Variants in TLL1 observed in about 807,000 individuals in gnomAD.
The protein encoded by TLL1 is tolloid-like protein 1.
In TLL1, 49 loss-of-function variants were observed where a neutral mutation model predicts 128.2. The observed-to-expected ratio is 0.38, with a 90% confidence interval of 0.30 to 0.48. The LOEUF (loss-of-function observed/expected upper bound fraction) is 0.48, where lower values mean the gene tolerates loss of function less well. TLL1 is among the 20% of genes least tolerant of loss of function. The probability of loss-of-function intolerance (pLI) is 0.96; values close to 1 mark genes in which losing one functional copy is unlikely to be tolerated. For missense variants in TLL1, 1,123 were observed against 1,242.0 expected (o/e 0.90, Z 1.44); for synonymous variants, 454 against 418.8 (o/e 1.08, Z -1.03).
chr4:166,005,765 A>T (rs1034917346), intron 6 of TLL1, among the ~76,000 whole-genome samples: 3 of 151,892 alleles, frequency 2.0e-5, no homozygotes, highest in Non-Finnish European at 4.4e-5. Flanking sequence ...CGTGGAAAAA[A>T]TTTATAAAAG....
At chr4:166,026,380 A>C (rs1409400795) in intron 9 of TLL1, among the ~76,000 whole-genome samples, 1 of 149,386 alleles carries the variant, frequency 6.7e-6, no homozygotes, top group Non-Finnish European at 1.5e-5. Context: ...GTGACAGAGC[A>C]AGGCTCTGTC....
intron 9 of TLL1, chr4:166,031,054 TGTAAAATGAATGAACAAAGAATTACTC>T: frequency 1.1e-6 from 1 of 878,256 alleles, no homozygotes; most frequent in Non-Finnish European, 1.4e-6. Flanking sequence ...TTAATACCCA[TGTAAAATGAATGAACAAAGAATTACTC>T]ATAAAATGAA....
intron 9 of TLL1, 48 bp from the exon 10 acceptor site, chr4:166,039,291 T>G (rs1235410141): frequency 1.5e-6 from 2 of 1,310,362 alleles, no homozygotes. Context: ...TCACTATATG[T>G]AGATACAATC....
rs1428462027 is a variant in TLL1, at chr4:166,103,127, G to A, written c.*2251G>A. The A allele has an allele frequency of 6.6e-6, 1 of 151,820 alleles. No individual in the cohort carries two copies. Among genetic ancestry groups the A allele is most frequent in the Non-Finnish European group, 1.5e-5 (1 of 67,866 alleles). 9.4% of individuals were successfully genotyped at this position (151,820 alleles called of 1,614,324 possible). On this transcript the variant is annotated 3_prime_UTR_variant, in exon 21 of 21. Coordinates refer to ENST00000061240, the MANE Select transcript of TLL1 (RefSeq NM_012464.5). ...TTCCCAGAGTCACAGTGTAAAGTTAGATGTTGAAACCCAGTTTATCTTATA... is the reference window on the plus strand; with the variant it reads ...TTCCCAGAGTCACAGTGTAAAGTTAAATGTTGAAACCCAGTTTATCTTATA...
chr4:165,885,758 G>A (rs1731140720), intron 1 of TLL1, among the ~76,000 whole-genome samples: 1 of 152,138 alleles, frequency 6.6e-6, no homozygotes, highest in South Asian at 2.1e-4. Flanking sequence ...TGGGATGAGG[G>A]AAAGCCTATT....
rs954219929 is a variant in TLL1 at position 166,057,162 on chromosome 4, A to G, written c.1721-22A>G. The G allele has an allele frequency of 5.6e-5, 90 of 1,613,380 alleles. No individual in the cohort carries two copies. The Admixed American group carries it at 1.4e-3, about 25-fold the overall frequency. ...ACACATATATATGTATAGTTGTTCT[A>G]TAACTATGACCATTTTCATAGAGGA... On this transcript the variant is annotated intron_variant, in intron 13 of 20. Coordinates refer to ENST00000061240, the MANE Select transcript of TLL1 (RefSeq NM_012464.5).
At chr4:165,920,709 A>T (rs1028858919) in intron 1 of TLL1, among the ~76,000 whole-genome samples, 4 of 152,200 alleles carry the variant, frequency 2.6e-5, no homozygotes, top group Non-Finnish European at 5.9e-5. Flanking sequence ...GAGGATCTAA[A>T]TATCTTTTCA....
At chr4:165,931,650 T>C (rs1395197634) in intron 1 of TLL1, among the ~76,000 whole-genome samples, 3 of 145,368 alleles carry the variant, frequency 2.1e-5, no homozygotes, top group South Asian at 2.2e-4. Context: ...ACCAGGGAGG[T>C]GGAGCTTGCA....
At position 166,013,705 on chromosome 4, in the gene TLL1, T is replaced by C. The variant is rs28422964; in HGVS notation, c.918-731T>C. ...AAATTAGAAAGTATTTTTAGGGCAC[T>C]ATATTCAGAACTTTAGATCATGCAT... On this transcript the variant is annotated intron_variant, in intron 7 of 20. Transcript: ENST00000061240. Among the ~76,000 whole-genome samples, 1,271 of 151,876 alleles carry C rather than the reference T, an allele frequency of 8.4e-3. 20 individuals carry two copies. The highest frequency in any genetic ancestry group is 0.029 in the African/African-American group (1,205 of 41,520).
intron 12 of TLL1, among the ~76,000 whole-genome samples, chr4:166,052,222 AC>A (rs1178496889): frequency 6.6e-6 from 1 of 152,062 alleles, no homozygotes; most frequent in Non-Finnish European, 1.5e-5. Context: ...AGTAATTAAA[AC>A]CCTTTTTAAT....
chr4:166,056,407 T>A (rs1248923101), intron 13 of TLL1, among the ~76,000 whole-genome samples: 2 of 151,434 alleles, frequency 1.3e-5, no homozygotes, highest in Admixed American at 6.6e-5. Context: ...TATATATACT[T>A]TATGTATATT....
rs146201857 is a variant in TLL1 at position 166,027,052 on chromosome 4, G to T, written c.1158+1621G>T. Among the ~76,000 whole-genome samples, 25 of 152,244 alleles carry T rather than the reference G, an allele frequency of 1.6e-4. 1 individual carries two copies. In the East Asian group the frequency reaches 4.8e-3, roughly 29 times the overall value. On this transcript the variant is annotated intron_variant, in intron 9 of 20. Transcript: ENST00000061240. ...GTACACATACACCATGGAATATTAT[G>T]CAGCCGTAAAAAAGAATGAACTCAT...
At chr4:165,953,639 T>C (rs1288155548) in intron 1 of TLL1, among the ~76,000 whole-genome samples, 3 of 150,252 alleles carry the variant, frequency 2.0e-5, no homozygotes, top group Admixed American at 2.0e-4. Flanking sequence ...TATATATATA[T>C]ATATATATAA....
In TLL1 at chr4:165,873,480, G is replaced by C. The variant is rs1341970627; in HGVS notation, c.-425G>C. 1 of 153,534 alleles carries C rather than the reference G, an allele frequency of 6.5e-6. No individual in the cohort carries two copies. Among genetic ancestry groups the C allele is most frequent in the Non-Finnish European group, 1.4e-5 (1 of 69,148 alleles). 9.5% of individuals were successfully genotyped at this position (153,534 alleles called of 1,614,324 possible). On this transcript the variant is annotated 5_prime_UTR_variant, in exon 1 of 21. Transcript: ENST00000061240. ...CGGCCGCGGAGTCCTGGCAGCAGCGGGGACGCGGCGCGGGAGTCCGAGCTC... is the reference window on the plus strand; with the variant it reads ...CGGCCGCGGAGTCCTGGCAGCAGCGCGGACGCGGCGCGGGAGTCCGAGCTC...
chr4:166,002,299 C>T (rs920319871), intron 5 of TLL1, among the ~76,000 whole-genome samples: 8 of 152,256 alleles, frequency 5.3e-5, no homozygotes, highest in Admixed American at 1.3e-4. Context: ...TCCAAGGGCT[C>T]TGCCTTCAAA....
At chr4:166,020,472 C>T (rs762393713) in intron 8 of TLL1, among the ~76,000 whole-genome samples, 9 of 152,094 alleles carry the variant, frequency 5.9e-5, no homozygotes, top group Non-Finnish European at 8.8e-5. Flanking sequence ...CTAAGGTATA[C>T]GAGTTGTAAC....
chr4:166,029,739 T>C (rs994013667), intron 9 of TLL1, among the ~76,000 whole-genome samples: 7 of 152,098 alleles, frequency 4.6e-5, no homozygotes, highest in Non-Finnish European at 7.4e-5. Context: ...AAACTTCATA[T>C]GATTGGAAGC....
chr4:166,003,098 G>C (rs1737245030), intron 5 of TLL1, among the ~76,000 whole-genome samples: 1 of 152,114 alleles, frequency 6.6e-6, no homozygotes, highest in Non-Finnish European at 1.5e-5. Flanking sequence ...TCATCACCAT[G>C]ATAATTAGTT....
chr4:165,980,017 G>A (rs1422683025), intron 1 of TLL1, among the ~76,000 whole-genome samples: 1 of 152,116 alleles, frequency 6.6e-6, no homozygotes, highest in Non-Finnish European at 1.5e-5. Context: ...TAAAACGACA[G>A]TTTCAGAGGC....
Sources: gnomAD v4.1 joint callset for allele counts (sites outside exome capture counted in the v4.1 genomes callset) on GRCh38, gnomAD v4.1.1 for gene constraint, MANE v1.5 for transcripts, NCBI Gene and HGNC (gene_info 2026-07-23, HGNC 2026-07-21) for gene names.